The following NRXN3 variants were observed in gnomAD, a reference collection of about 807,000 sequenced individuals.
The protein encoded by NRXN3 is neurexin III.
A neutral mutation model predicts 137.6 loss-of-function variants in NRXN3; 32 were observed. The ratio of observed to expected loss-of-function variants is 0.23; its 90% confidence interval spans 0.18 to 0.31. The LOEUF is 0.31. Ranked by LOEUF, NRXN3 falls within the 10% of genes least tolerant of loss-of-function variation. The pLI is 1.00. For missense variants in NRXN3, 1,574 were observed against 2,062.5 expected (o/e 0.76, Z 4.59); for synonymous variants, 798 against 784.5 (o/e 1.02, Z -0.29).
At chr14:78,399,427 A>G (rs1042974680) in intron 4 of NRXN3, among the ~76,000 whole-genome samples, 1 of 152,212 alleles carries the variant, frequency 6.6e-6, no homozygotes, top group African/African-American at 2.4e-5. Context: ...AGCATTTGAT[A>G]AGTGTATGAG....
intron 4 of NRXN3, among the ~76,000 whole-genome samples, chr14:78,419,957 GCA>G (rs1555518579): frequency 2.1e-5 from 1 of 48,058 alleles, no homozygotes; most frequent in Admixed American, 3.0e-4. Flanking sequence ...GCGCGCGCGC[GCA>G]CGCACACACA....
chr14:78,950,662 AAGG>A (rs932946910), intron 10 of NRXN3, among the ~76,000 whole-genome samples: 9 of 152,128 alleles, frequency 5.9e-5, no homozygotes, highest in Admixed American at 2.6e-4. Context: ...GGAAGGAAAA[AAGG>A]AAGGAAGGAA....
rs1018737200 is a variant in NRXN3 at position 79,642,285 on chromosome 14, C to A, written c.3445-21493C>A. On this transcript the variant is annotated intron_variant, in intron 16 of 20. Transcript: ENST00000335750. ...GTTCCACTTAGCGATCCTATTGAAC[C>A]CCTGGCCATGTGGTATCCCCACAGC... Among the ~76,000 whole-genome samples the A allele has an allele frequency of 3.0e-5, 4 of 135,312 alleles. 1 individual carries two copies. The highest frequency in any genetic ancestry group is 6.9e-5 in the Non-Finnish European group (4 of 58,170). The allele number at this position is 135,312 out of a possible 152,430, so 88.8% of individuals were successfully genotyped here.
chr14:79,329,544 C>T (rs943028995), intron 15 of NRXN3, among the ~76,000 whole-genome samples: 1 of 152,084 alleles, frequency 6.6e-6, no homozygotes, highest in Non-Finnish European at 1.5e-5. Context: ...TGAAGTGCGG[C>T]TATAAATGAT....
At chr14:79,667,855 C>T (rs1377450604) in intron 17 of NRXN3, among the ~76,000 whole-genome samples, 1 of 151,950 alleles carries the variant, frequency 6.6e-6, no homozygotes, top group Admixed American at 6.6e-5. Flanking sequence ...AGCTCTAGGC[C>T]CCCTGGAAGG....
chr14:79,702,887 A>T (rs1458864204), intron 19 of NRXN3, among the ~76,000 whole-genome samples: 2 of 52,166 alleles, frequency 3.8e-5, no homozygotes, highest in Admixed American at 5.5e-4. Flanking sequence ...AGTGAGAAAC[A>T]AGTCTTTTAC....
At chr14:78,614,761 G>T (rs1328173523) in intron 4 of NRXN3, among the ~76,000 whole-genome samples, 1 of 152,202 alleles carries the variant, frequency 6.6e-6, no homozygotes, top group Non-Finnish European at 1.5e-5. Flanking sequence ...GGCTATGCTG[G>T]ATGGCAATTT....
At chr14:79,557,392 C>T (rs1479665235) in intron 16 of NRXN3, among the ~76,000 whole-genome samples, 3 of 152,092 alleles carry the variant, frequency 2.0e-5, no homozygotes, top group Non-Finnish European at 4.4e-5. Flanking sequence ...CATCAACATC[C>T]ATGTAATTAG....
chr14:79,323,124 C>T (rs1443061669), intron 15 of NRXN3, among the ~76,000 whole-genome samples: 1 of 152,202 alleles, frequency 6.6e-6, no homozygotes, highest in Non-Finnish European at 1.5e-5. Flanking sequence ...GCCTTGAACT[C>T]CTGGGCTCAG....
At chr14:79,728,806 T>C (rs190780955) in intron 19 of NRXN3, among the ~76,000 whole-genome samples, 11 of 152,250 alleles carry the variant, frequency 7.2e-5, no homozygotes, top group Admixed American at 7.2e-4. Flanking sequence ...TCTTCATTTG[T>C]CTCCTGAGAA....
intron 4 of NRXN3, among the ~76,000 whole-genome samples, chr14:78,617,362 A>G (rs542307447): frequency 6.6e-6 from 1 of 152,250 alleles, no homozygotes; most frequent in South Asian, 2.1e-4. Flanking sequence ...TCTGTCTTAC[A>G]TGTGAGCTTT....
intron 15 of NRXN3, among the ~76,000 whole-genome samples, chr14:79,216,592 G>C (rs1004579639): frequency 1.8e-4 from 27 of 152,290 alleles, no homozygotes; most frequent in African/African-American, 6.5e-4. Context: ...ATATTTCATT[G>C]AGAAGTGTAT....
At chr14:79,576,171 G>A (rs537240086) in intron 16 of NRXN3, among the ~76,000 whole-genome samples, 1 of 152,158 alleles carries the variant, frequency 6.6e-6, no homozygotes. Context: ...AATTAAAAAT[G>A]CTTTTTCCCA....
chr14:78,314,903 CTTT>C (rs2078422477), intron 4 of NRXN3, among the ~76,000 whole-genome samples: 1 of 103,800 alleles, frequency 9.6e-6, no homozygotes, highest in African/African-American at 5.2e-5. Flanking sequence ...CTCTTTCTTT[CTTT>C]CTTTCTTTCT....
chr14:79,094,973 AGAGAGAGTGTGTGTGT>A (rs1490825871), intron 15 of NRXN3, among the ~76,000 whole-genome samples: 1 of 94,688 alleles, frequency 1.1e-5, no homozygotes, highest in African/African-American at 3.8e-5. Context: ...AGAGAGAGAG[AGAGAGAGTGTGTGTGT>A]GTGTGTGTGT....
intron 10 of NRXN3, among the ~76,000 whole-genome samples, chr14:78,896,096 C>T (rs139998519): frequency 2.6e-5 from 4 of 151,938 alleles, no homozygotes; most frequent in East Asian, 1.9e-4. Flanking sequence ...GCTCAACCAA[C>T]GGTTGCCCCA....
chr14:78,452,811 G>A (rs905001969), intron 4 of NRXN3, among the ~76,000 whole-genome samples: 2 of 152,162 alleles, frequency 1.3e-5, no homozygotes, highest in Non-Finnish European at 2.9e-5. Flanking sequence ...GCTACAGCTA[G>A]CCTTCTAGAG....
At chr14:79,544,789 A>G (rs1401691867) in intron 16 of NRXN3, among the ~76,000 whole-genome samples, 1 of 152,176 alleles carries the variant, frequency 6.6e-6, no homozygotes, top group Non-Finnish European at 1.5e-5. Context: ...CTTGTTACAA[A>G]CGCATATTGT....
At chr14:79,834,625 G>C (rs2099331929) in intron 20 of NRXN3, among the ~76,000 whole-genome samples, 1 of 152,130 alleles carries the variant, frequency 6.6e-6, no homozygotes. Flanking sequence ...AAAGGGGCTA[G>C]TGAAATATTT....
Sources: gnomAD v4.1 joint callset for allele counts (sites outside exome capture counted in the v4.1 genomes callset) on GRCh38, gnomAD v4.1.1 for gene constraint, MANE v1.5 for transcripts, NCBI Gene and HGNC (gene_info 2026-07-23, HGNC 2026-07-21) for gene names.